Variants in MYRIP observed in about 807,000 individuals in gnomAD.
MYRIP encodes the protein myosin VIIA and Rab interacting protein.
A neutral mutation model predicts 98.0 loss-of-function variants in MYRIP; 49 were observed. The observed-to-expected ratio is 0.50, with a 90% CI of 0.40 to 0.63. The LOEUF is 0.63. Among genes scored for constraint, MYRIP ranks in the 30% least tolerant of loss-of-function variants. The pLI, the probability that MYRIP is intolerant of heterozygous loss-of-function variation, is 0.00. For synonymous variants in MYRIP, 404 were observed against 409.5 expected (o/e 0.99, Z 0.16); for missense variants, 1,004 against 1,058.2 (o/e 0.95, Z 0.71).
intron 3 of MYRIP, chr3:40,099,964 TC>T: frequency 1.0e-6 from 1 of 982,262 alleles, no homozygotes. Flanking sequence ...GCATTGGTTG[TC>T]TGAGATTTCA....
chr3:39,919,899 G>C (rs1452381599), intron 2 of MYRIP, among the ~76,000 whole-genome samples: 1 of 151,998 alleles, frequency 6.6e-6, no homozygotes, highest in Non-Finnish European at 1.5e-5. Context: ...AGAGCTAAGG[G>C]GTTCATTGAT....
chr3:39,959,609 A>G (rs1945269162), intron 2 of MYRIP, among the ~76,000 whole-genome samples: 1 of 151,938 alleles, frequency 6.6e-6, no homozygotes, highest in East Asian at 1.9e-4. Flanking sequence ...CCAGCATGGC[A>G]CATGTATACA....
At position 40,244,615 on chromosome 3, in the gene MYRIP, C is replaced by T. The variant is rs775646694; in HGVS notation, c.2262+8C>T. 6.2e-7 allele frequency: 1 copy of T among 1,607,414 alleles called. No individual in the cohort carries two copies. Among genetic ancestry groups the T allele is most frequent in the Non-Finnish European group, 8.5e-7 (1 of 1,176,878 alleles). ...CACCATGCTGAACTCCAGGTGAGAA[C>T]TCTCCTCTCTGCCCACATGGGTCCT... On this transcript the variant is annotated splice_region_variant and intron_variant, in intron 13 of 16. Coordinates refer to ENST00000302541, the MANE Select transcript of MYRIP (RefSeq NM_015460.4).
intron 11 of MYRIP, among the ~76,000 whole-genome samples, chr3:40,218,630 ATAT>A (rs1952223693): frequency 8.5e-5 from 2 of 23,608 alleles, no homozygotes; most frequent in African/African-American, 2.0e-4. Context: ...ATATATATAT[ATAT>A]ATATATATAT....
intron 1 of MYRIP, among the ~76,000 whole-genome samples, chr3:39,831,530 T>C: frequency 6.6e-6 from 1 of 152,212 alleles, no homozygotes; most frequent in East Asian, 1.9e-4. Flanking sequence ...ATAAAATTAT[T>C]AATCCCATAT....
At chr3:40,236,006 A>C (rs1006417108) in intron 12 of MYRIP, among the ~76,000 whole-genome samples, 2 of 152,180 alleles carry the variant, frequency 1.3e-5, no homozygotes, top group Non-Finnish European at 2.9e-5. Context: ...TTTAGTTTGT[A>C]CTCCTAAAAG....
chr3:39,863,681 A>G (rs964704657), intron 1 of MYRIP, among the ~76,000 whole-genome samples: 1 of 152,200 alleles, frequency 6.6e-6, no homozygotes, highest in African/African-American at 2.4e-5. Context: ...AAAGCTTACC[A>G]TCCAGAAAAA....
In MYRIP at chr3:40,203,933, A is replaced by AT. The variant is rs1491283220; in HGVS notation, c.1666-5921_1666-5920insT. Among the ~76,000 whole-genome samples the AT allele has an allele frequency of 8.9e-3, 2 of 224 alleles. 1 individual carries two copies. The highest frequency in any genetic ancestry group is 0.012 in the African/African-American group (2 of 168). 0.1% of individuals were successfully genotyped at this position (224 alleles called of 152,430 possible). ...TATATTATTTATATAAATATAATAT[A>AT]ATATATATTATATATATTATATATT... On this transcript the variant is annotated intron_variant, in intron 10 of 16. Coordinates refer to ENST00000302541, the MANE Select transcript of MYRIP (RefSeq NM_015460.4).
intron 3 of MYRIP, among the ~76,000 whole-genome samples, chr3:40,077,713 A>T (rs1349508234): frequency 1.3e-5 from 2 of 152,244 alleles, no homozygotes; most frequent in South Asian, 2.1e-4. Context: ...CAGTAGCTAG[A>T]TACAGAGTGT....
At chr3:39,887,779 C>T (rs2125654084) in intron 1 of MYRIP, among the ~76,000 whole-genome samples, 1 of 152,194 alleles carries the variant, frequency 6.6e-6, no homozygotes, top group East Asian at 1.9e-4. Context: ...CTAGAGAACC[C>T]CATTGTCTCA....
At chr3:40,038,500 C>G (rs916801532) in intron 2 of MYRIP, among the ~76,000 whole-genome samples, 10 of 151,898 alleles carry the variant, frequency 6.6e-5, no homozygotes, top group African/African-American at 2.4e-4. Flanking sequence ...AATAAGTAAA[C>G]CTCTGAACTT....
intron 2 of MYRIP, among the ~76,000 whole-genome samples, chr3:39,939,624 G>C (rs1944736321): frequency 6.6e-6 from 1 of 151,916 alleles, no homozygotes; most frequent in Non-Finnish European, 1.5e-5. Flanking sequence ...CATTAGTTTT[G>C]TAAAGAAAAA....
intron 2 of MYRIP, among the ~76,000 whole-genome samples, chr3:39,905,595 C>T (rs1943858861): frequency 6.6e-6 from 1 of 152,134 alleles, no homozygotes; most frequent in South Asian, 2.1e-4. Flanking sequence ...ACCTCTTTAC[C>T]TCCTTCTGCC....
intron 3 of MYRIP, among the ~76,000 whole-genome samples, chr3:40,138,897 T>C (rs545286906): frequency 6.6e-6 from 1 of 152,326 alleles, no homozygotes; most frequent in South Asian, 2.1e-4. Flanking sequence ...CCTACTGTGG[T>C]ATAGAACACT....
chr3:39,844,686 G>T (rs1941906788), intron 1 of MYRIP, among the ~76,000 whole-genome samples: 1 of 152,180 alleles, frequency 6.6e-6, no homozygotes, highest in African/African-American at 2.4e-5. Flanking sequence ...GAGGTTCAAT[G>T]CCAGGGCCTT....
intron 11 of MYRIP, among the ~76,000 whole-genome samples, chr3:40,224,752 C>T (rs1365386778): frequency 1.3e-5 from 2 of 152,324 alleles, no homozygotes; most frequent in African/African-American, 4.8e-5. Context: ...CTTAAGAACC[C>T]AAACCTTCCT....
chr3:39,824,080 G>A (rs566251452), intron 1 of MYRIP, among the ~76,000 whole-genome samples: 7 of 152,054 alleles, frequency 4.6e-5, no homozygotes, highest in African/African-American at 1.7e-4. Flanking sequence ...TATGGACATC[G>A]TTTTCTCAGC....
chr3:40,138,894 T>C (rs528379102), intron 3 of MYRIP, among the ~76,000 whole-genome samples: 1 of 152,324 alleles, frequency 6.6e-6, no homozygotes, highest in South Asian at 2.1e-4. Flanking sequence ...CATCCTACTG[T>C]GGTATAGAAC....
Position 39,889,841 on chromosome 3 carries a change from G to T in MYRIP, c.-30-10946G>T, listed in dbSNP as rs528956503. On this transcript the variant is annotated intron_variant, in intron 1 of 16. Coordinates refer to ENST00000302541, the MANE Select transcript of MYRIP (RefSeq NM_015460.4). Reference sequence around the variant, plus strand: ...CATTTCCTACTCTGAAATTATAAAAGAATCATCTCATGTTTTCTTTTATTA... The same window carrying T: ...CATTTCCTACTCTGAAATTATAAAATAATCATCTCATGTTTTCTTTTATTA... 1.2e-3 allele frequency among the ~76,000 whole-genome samples: 178 copies of T among 152,078 alleles called. 1 individual carries two copies. In the South Asian group the frequency reaches 0.017, roughly 15 times the overall value.
Sources: gnomAD v4.1 joint callset for allele counts (sites outside exome capture counted in the v4.1 genomes callset) on GRCh38, gnomAD v4.1.1 for gene constraint, MANE v1.5 for transcripts, NCBI Gene and HGNC (gene_info 2026-07-23, HGNC 2026-07-21) for gene names.